Variants in PHF14 observed in about 807,000 individuals in gnomAD.
The protein encoded by PHF14 is PHD finger protein 14.
A neutral mutation model predicts 117.9 loss-of-function variants in PHF14; 55 were observed. That is an observed-to-expected ratio of 0.47 (90% CI 0.38 to 0.58). PHF14 has a LOEUF of 0.58. Among genes scored for constraint, PHF14 ranks in the 20% least tolerant of loss-of-function variants. PHF14 has a pLI of 0.00. For missense variants in PHF14, 978 were observed against 1,122.2 expected (o/e 0.87, Z 1.84); for synonymous variants, 409 against 368.6 (o/e 1.11, Z -1.26).
chr7:11,159,350 G>A (rs895932698), intron 17 of PHF14, among the ~76,000 whole-genome samples: 7 of 151,806 alleles, frequency 4.6e-5, no homozygotes, highest in African/African-American at 1.7e-4. Context: ...CGTGTGCTAT[G>A]GTTTGCCTAG....
chr7:11,111,908 T>TA (rs59702121), intron 17 of PHF14, among the ~76,000 whole-genome samples: 147,618 of 148,096 alleles, frequency 1, 73,570 homozygotes, highest in East Asian at 1. Flanking sequence ...TCTGTTCCTT[T>TA]AAAAAAAAAA....
At position 11,099,905 on chromosome 7, in the gene PHF14, G is replaced by A. The variant is rs147977531; in HGVS notation, c.2655-11445G>A. On this transcript the variant is annotated intron_variant, in intron 16 of 17. Coordinates refer to ENST00000634607, the MANE Select transcript of PHF14 (RefSeq NM_001007157.2). The stretch of plus-strand genomic sequence containing the variant: ...TACTAAGCAGCAGGGAATGAGCTTT[G>A]TCAAGGATAGAGCTGTGAGCCCCTT... Among the ~76,000 whole-genome samples, 4 of 152,140 alleles carry A rather than the reference G, an allele frequency of 2.6e-5. No individual in the cohort carries two copies. The East Asian group carries it at 7.7e-4, about 29-fold the overall frequency.
rs1785849660 is a variant in PHF14, at chr7:11,076,382, TA to T, written c.2654+14299del. Among the ~76,000 whole-genome samples, 3 of 152,188 alleles carry T rather than the reference TA, an allele frequency of 2.0e-5. No homozygotes were observed. The South Asian group carries it at 6.2e-4, about 31-fold the overall frequency. On this transcript the variant is annotated intron_variant, in intron 16 of 17. Coordinates refer to ENST00000634607, the MANE Select transcript of PHF14 (RefSeq NM_001007157.2). ...GTTGTTCTTTGAGGCTTCAGTGCTA[TA>T]ACCTCTATTCTTATAAGTATGCTGT...
At chr7:11,104,891 G>C (rs200200118) in intron 16 of PHF14, 1 of 976,514 alleles carries the variant, frequency 1.0e-6, no homozygotes, top group Non-Finnish European at 1.2e-6. Context: ...TTAAAACATC[G>C]TTGTGTTGTG....
intron 4 of PHF14, among the ~76,000 whole-genome samples, chr7:10,994,254 A>G (rs967328829): frequency 1.3e-5 from 2 of 152,068 alleles, no homozygotes; most frequent in South Asian, 2.1e-4. Flanking sequence ...CCTGTCCAAC[A>G]TGGTGAAACC....
chr7:11,038,951 A>T, intron 11 of PHF14, 96 bp downstream of exon 11: 1 of 516,812 alleles, frequency 1.9e-6, no homozygotes, highest in Non-Finnish European at 3.5e-6. Flanking sequence ...TGACTAACCG[A>T]AGAATTCTGT....
chr7:11,127,891 AT>A (rs368026676), intron 17 of PHF14, among the ~76,000 whole-genome samples: 71 of 150,892 alleles, frequency 4.7e-4, no homozygotes, highest in Middle Eastern at 3.4e-3. Context: ...TTAAATCATG[AT>A]TTTTTTTTTC....
intron 17 of PHF14, among the ~76,000 whole-genome samples, chr7:11,114,117 T>G (rs552519249): frequency 6.6e-6 from 1 of 152,150 alleles, no homozygotes; most frequent in East Asian, 1.9e-4. Flanking sequence ...CAAATAAATT[T>G]AGATGGTAAA....
intron 17 of PHF14, among the ~76,000 whole-genome samples, chr7:11,127,738 T>G (rs1453543217): frequency 3.3e-5 from 5 of 152,104 alleles, no homozygotes; most frequent in Non-Finnish European, 7.4e-5. Flanking sequence ...ATACCAAATT[T>G]TGTGTAAGAC....
intron 17 of PHF14, among the ~76,000 whole-genome samples, chr7:11,120,370 G>T (rs1479337079): frequency 6.6e-6 from 1 of 151,978 alleles, no homozygotes; most frequent in Non-Finnish European, 1.5e-5. Flanking sequence ...TTCAAAATTA[G>T]TGATAATACT....
Position 11,169,438 on chromosome 7 carries a change from G to GA in PHF14, c.2801dup (p.Asn934LysfsTer21), listed in dbSNP as rs763077239. 7.4e-6 allele frequency: 11 copies of GA among 1,493,224 alleles called. No individual in the cohort carries two copies. Among genetic ancestry groups the GA allele is most frequent in the African/African-American group, 2.8e-5 (2 of 70,564 alleles). 92.5% of individuals were successfully genotyped at this position (1,493,224 alleles called of 1,614,324 possible). ...CAGGAAGATGAAAATGAAGCTGAAA[G>GA]AAAAAATATATCTCAGGAGCTCAAC... is the stretch of plus-strand genomic sequence containing the variant. On this transcript the variant is annotated frameshift_variant, in exon 18 of 18. Transcript: ENST00000634607. LOFTEE classifies it high-confidence loss of function.
intron 16 of PHF14, among the ~76,000 whole-genome samples, chr7:11,076,769 T>C (rs1038924975): frequency 1.3e-5 from 2 of 151,958 alleles, no homozygotes; most frequent in East Asian, 1.9e-4. Flanking sequence ...GGTTTTGCAA[T>C]GTTGTCCAGG....
intron 16 of PHF14, among the ~76,000 whole-genome samples, chr7:11,077,672 C>T (rs1300921676): frequency 3.4e-5 from 5 of 148,224 alleles, no homozygotes; most frequent in Non-Finnish European, 7.4e-5. Context: ...ATTTGGAGAA[C>T]AGATATACCT....
chr7:11,108,084 T>C (rs1350142587), intron 16 of PHF14: 1 of 151,696 alleles, frequency 6.6e-6, no homozygotes, highest in Admixed American at 6.6e-5. Flanking sequence ...CATTGTTCTT[T>C]GATTTCTTGG....
At chr7:10,980,470 G>C (rs1782012921) in intron 2 of PHF14, among the ~76,000 whole-genome samples, 1 of 152,108 alleles carries the variant, frequency 6.6e-6, no homozygotes, top group Non-Finnish European at 1.5e-5. Flanking sequence ...ATTTTTACCA[G>C]ATGTGATTTT....
At chr7:11,104,036 C>G in intron 16 of PHF14, 1 of 984,938 alleles carries the variant, frequency 1.0e-6, no homozygotes, top group Non-Finnish European at 1.2e-6. Context: ...TTGCCATTTT[C>G]TAAGTGGAAT....
intron 7 of PHF14, among the ~76,000 whole-genome samples, chr7:11,034,837 C>T (rs1171354291): frequency 6.6e-6 from 1 of 151,946 alleles, no homozygotes; most frequent in Non-Finnish European, 1.5e-5. Context: ...GCATGTGCCA[C>T]CACGCCTGGC....
intron 17 of PHF14, among the ~76,000 whole-genome samples, chr7:11,150,827 A>G (rs1370718761): frequency 1.3e-5 from 2 of 152,174 alleles, no homozygotes; most frequent in Admixed American, 6.6e-5. Flanking sequence ...TCAGACTGGT[A>G]TCAAAGTCTC....
intron 17 of PHF14, among the ~76,000 whole-genome samples, chr7:11,131,994 G>C (rs539522749): frequency 6.6e-6 from 1 of 151,558 alleles, no homozygotes; most frequent in Non-Finnish European, 1.5e-5. Flanking sequence ...TATATTTAAG[G>C]TATACAACAT....
Sources: gnomAD v4.1 joint callset for allele counts (sites outside exome capture counted in the v4.1 genomes callset) on GRCh38, gnomAD v4.1.1 for gene constraint, MANE v1.5 for transcripts, NCBI Gene and HGNC (gene_info 2026-07-23, HGNC 2026-07-21) for gene names.